The following SLC9C2 variants were observed in gnomAD, a reference collection of about 807,000 sequenced individuals.
SLC9C2 encodes the protein solute carrier family 9 member C2 (putative).
Under a neutral mutation model 140.2 loss-of-function variants are expected in SLC9C2, and 75 were observed. The ratio of observed to expected loss-of-function variants is 0.53; its 90% CI spans 0.44 to 0.65. The LOEUF is 0.65. Ranked by LOEUF, SLC9C2 falls within the 30% of genes least tolerant of loss-of-function variation. The pLI, the probability that SLC9C2 is intolerant of heterozygous loss-of-function variation, is 0.00. For synonymous variants in SLC9C2, 375 were observed against 420.9 expected (o/e 0.89, Z 1.34); for missense variants, 1,074 against 1,331.8 (o/e 0.81, Z 3.01).
chr1:173,502,002 G>A (rs375131558), intron 27 of SLC9C2, among the ~76,000 whole-genome samples: 5 of 152,134 alleles, frequency 3.3e-5, no homozygotes, highest in East Asian at 3.9e-4. Flanking sequence ...GGCTGGGCGC[G>A]GTGGCTCACG....
chr1:173,521,470 A>C (rs1660812363), intron 21 of SLC9C2, 71 bp from the exon 22 acceptor site: 6 of 304,702 alleles, frequency 2.0e-5, no homozygotes, highest in Admixed American at 1.7e-4. Context: ...ACTTTTCTAA[A>C]TATTTTCTAT....
At chr1:173,561,858 C>T (rs903062417) in intron 9 of SLC9C2, among the ~76,000 whole-genome samples, 28 of 142,338 alleles carry the variant, frequency 2.0e-4, no homozygotes, top group Non-Finnish European at 5.9e-5. Context: ...CACACACAGA[C>T]ACAGACACAC....
At chr1:173,567,154 A>G (rs1237613909) in intron 9 of SLC9C2, among the ~76,000 whole-genome samples, 3 of 152,116 alleles carry the variant, frequency 2.0e-5, no homozygotes, top group African/African-American at 7.2e-5. Flanking sequence ...GCTCTTGGAC[A>G]AAATGTTCTG....
At chr1:173,522,025 C>T (rs991359603) in intron 21 of SLC9C2, among the ~76,000 whole-genome samples, 2 of 151,960 alleles carry the variant, frequency 1.3e-5, no homozygotes, top group Non-Finnish European at 2.9e-5. Flanking sequence ...GGTGAAACCC[C>T]GTCTCTACTA....
intron 9 of SLC9C2, among the ~76,000 whole-genome samples, chr1:173,563,051 A>G (rs1304665295): frequency 6.6e-6 from 1 of 151,956 alleles, no homozygotes; most frequent in Non-Finnish European, 1.5e-5. Context: ...GCTTTCCCTA[A>G]GCAAGGATCG....
At chr1:173,518,863 A>C (rs1410077924) in intron 22 of SLC9C2, among the ~76,000 whole-genome samples, 1 of 152,106 alleles carries the variant, frequency 6.6e-6, no homozygotes, top group Non-Finnish European at 1.5e-5. Flanking sequence ...TTGCAAACAA[A>C]GAAAAGATGA....
Position 173,597,427 on chromosome 1 carries a change from TAGAA to T in SLC9C2, c.357+473_357+476del, listed in dbSNP as rs549611698. ...TGAATCAAATATTAATTCAAGATGT[TAGAA>T]AGAACAGAATAAAACCAAAATAAAA... On this transcript the variant is annotated intron_variant, in intron 4 of 27. Transcript: ENST00000367714. Among the ~76,000 whole-genome samples the T allele has an allele frequency of 3.3e-5, 5 of 152,002 alleles. No individual in the cohort carries two copies. The East Asian group carries it at 9.7e-4, about 29-fold the overall frequency.
intron 10 of SLC9C2, among the ~76,000 whole-genome samples, chr1:173,557,058 C>T (rs1017474887): frequency 6.6e-6 from 1 of 152,192 alleles, no homozygotes; most frequent in East Asian, 1.9e-4. Flanking sequence ...TGAAGCTCAG[C>T]AAGCCTGGGG....
At chr1:173,516,817 T>C (rs984991330) in intron 23 of SLC9C2, among the ~76,000 whole-genome samples, 7 of 152,224 alleles carry the variant, frequency 4.6e-5, no homozygotes, top group African/African-American at 1.7e-4. Context: ...TTACATTCCT[T>C]TGGGTATATA....
In SLC9C2 at chr1:173,548,488, C is replaced by T; in HGVS notation, c.1362G>A (p.Glu454=). The T allele has an allele frequency of 6.2e-7, 1 of 1,613,826 alleles. No homozygotes were observed. Among genetic ancestry groups the T allele is most frequent in the Admixed American group, 1.7e-5 (1 of 59,984 alleles). The part of the protein sequence containing the change: ...ILQNATQHIQ[E]IVQNTITLFK... ...ATAAAGTTATTGTGTTCTGTACTATCTCCTGTATGTGCTGAGTGGCATTTT... is the reference window on the plus strand; with the variant it reads ...ATAAAGTTATTGTGTTCTGTACTATTTCCTGTATGTGCTGAGTGGCATTTT... Residue 454 remains glutamate (E), a synonymous_variant, in exon 12 of 28, where the codon GAG becomes GAA. Transcript: ENST00000367714.
chr1:173,531,696 C>T (rs1661588801), intron 17 of SLC9C2, among the ~76,000 whole-genome samples: 1 of 152,192 alleles, frequency 6.6e-6, no homozygotes, highest in African/African-American at 2.4e-5. Context: ...CTACAACTGT[C>T]TTGGTAAATT....
In SLC9C2 at chr1:173,533,749, C is replaced by G. The variant is rs1180541384; in HGVS notation, c.2023G>C (p.Glu675Gln). ...ATTCCAATAACCAGGATAAAAAATTCCAAAGTATTCCAACATTGTTGAAAA... is the reference window on the plus strand; with the variant it reads ...ATTCCAATAACCAGGATAAAAAATTGCAAAGTATTCCAACATTGTTGAAAA... ...KYFQQCWNTL[E>Q]FFILVIGIID... The change falls in exon 17 of 28, where the codon GAA (glutamate) becomes CAA (glutamine). Residue 675 changes from glutamate to glutamine, a missense_variant. Glu to Gln is a conservative substitution (Grantham distance 29). Transcript: ENST00000367714. The G allele has an allele frequency of 6.2e-7, 1 of 1,603,468 alleles. No individual in the cohort carries two copies. Among genetic ancestry groups the G allele is most frequent in the Non-Finnish European group, 8.5e-7 (1 of 1,173,798 alleles).
chr1:173,520,892 C>A (rs1660761535), intron 22 of SLC9C2, among the ~76,000 whole-genome samples: 1 of 152,206 alleles, frequency 6.6e-6, no homozygotes, highest in Non-Finnish European at 1.5e-5. Context: ...GTCCCCATCA[C>A]TCTACTGAAA....
In SLC9C2 at chr1:173,521,295, C is replaced by A; in HGVS notation, c.2739+6G>T. ...AAAAAAAAAAAAAAAATCAATAGTC[C>A]CTTACAATTGCCATTCCTGAAATAA... is the stretch of plus-strand genomic sequence containing the variant. On this transcript the variant is annotated splice_donor_region_variant and intron_variant, in intron 22 of 27. Coordinates refer to ENST00000367714, the MANE Select transcript of SLC9C2 (RefSeq NM_178527.4). The A allele has an allele frequency of 1.4e-6, 2 of 1,448,882 alleles. No homozygotes were observed. The highest frequency in any genetic ancestry group is 2.5e-5 in the Admixed American group (1 of 40,042). 89.8% of individuals were successfully genotyped at this position (1,448,882 alleles called of 1,614,324 possible).
At position 173,589,784 on chromosome 1, in the gene SLC9C2, TTA is replaced by T. The variant is rs199929859; in HGVS notation, c.358-1956_358-1955del. 5.7e-3 allele frequency among the ~76,000 whole-genome samples: 873 copies of T among 152,272 alleles called. 14 individuals are homozygous for T. Among genetic ancestry groups the T allele is most frequent in the Non-Finnish European group, 6.9e-3 (470 of 68,022 alleles). On this transcript the variant is annotated intron_variant, in intron 4 of 27. Coordinates refer to ENST00000367714, the MANE Select transcript of SLC9C2 (RefSeq NM_178527.4). ...GGAAAAGAATAAAGGTTAAAAATGT[TTA>T]TGATTCAATTAAGCCTAGCAGTAGG...
chr1:173,532,362 T>G (rs978648591), intron 17 of SLC9C2, among the ~76,000 whole-genome samples: 8 of 152,180 alleles, frequency 5.3e-5, no homozygotes, highest in African/African-American at 1.9e-4. Context: ...GTGAAATCAT[T>G]TAAAGCCCTG....
At chr1:173,536,507 A>G (rs1661971385) in intron 14 of SLC9C2, among the ~76,000 whole-genome samples, 2 of 152,224 alleles carry the variant, frequency 1.3e-5, no homozygotes, top group East Asian at 3.8e-4. Context: ...AGTTGGGTCA[A>G]TTCTTCCAGA....
Position 173,524,025 on chromosome 1 carries a change from A to T in SLC9C2, c.2584T>A (p.Tyr862Asn), listed in dbSNP as rs778594295. ...KAIPPPTPDIYLHNIIWLEGK... is the reference protein window; with the variant it reads ...KAIPPPTPDINLHNIIWLEGK... ...TCCAGCCAAATGATGTTGTGAAGGT[A>T]TATGTCAGGAGTTGGGGGTGGGATT... is the stretch of plus-strand genomic sequence containing the variant. Residue 862 changes from tyrosine to asparagine, a missense_variant, in exon 21 of 28, where the codon TAC (tyrosine) becomes AAC (asparagine). By Grantham distance (143) the Tyr-to-Asn change is moderately radical. Transcript: ENST00000367714. 1 of 1,613,654 alleles carries T rather than the reference A, an allele frequency of 6.2e-7. No homozygotes were observed. Among genetic ancestry groups the T allele is most frequent in the East Asian group, 2.2e-5 (1 of 44,860 alleles).
At chr1:173,554,880 G>T (rs951559489) in intron 10 of SLC9C2, 66 bp from the exon 11 acceptor site, 1 of 924,538 alleles carries the variant, frequency 1.1e-6, no homozygotes, top group Non-Finnish European at 1.7e-6. Flanking sequence ...AGCAATCATT[G>T]TTCAATTAGC....
Sources: allele counts gnomAD v4.1 joint callset (sites outside exome capture counted in the v4.1 genomes callset), GRCh38; gene constraint gnomAD v4.1.1; transcripts MANE v1.5; gene names NCBI Gene and HGNC (gene_info 2026-07-23, HGNC 2026-07-21).